The following ELMOD3 variants were observed in gnomAD, a reference collection of about 807,000 sequenced individuals.
ELMOD3 encodes ELMO domain-containing protein 3.
ELMOD3 carries 36 observed loss-of-function variants against 47.4 expected under a neutral mutation model. The ratio of observed to expected loss-of-function variants is 0.76; its 90% confidence interval spans 0.58 to 1.00. The LOEUF is 1.00. Ranked by LOEUF, ELMOD3 falls within the 50% of genes least tolerant of loss-of-function variation. The pLI is 0.00. For synonymous variants in ELMOD3, 149 were observed against 183.5 expected (o/e 0.81, Z 1.52); for missense variants, 404 against 463.8 (o/e 0.87, Z 1.18).
At chr2:85,361,773 CA>C (rs924013147) in intron 4 of ELMOD3, among the ~76,000 whole-genome samples, 3 of 151,494 alleles carry the variant, frequency 2.0e-5, no homozygotes, top group African/African-American at 7.3e-5. Flanking sequence ...ACTAAAAATA[CA>C]AAAAAAATTA....
In ELMOD3 at chr2:85,363,115, C is replaced by T. The variant is rs772120151; in HGVS notation, c.148C>T (p.His50Tyr). Residue 50 changes from histidine to tyrosine, a missense_variant, in exon 6 of 14, where the codon CAT (histidine) becomes TAT (tyrosine). Physicochemically the swap from His to Tyr is moderately conservative, Grantham distance 83. Coordinates refer to ENST00000409013, the MANE Select transcript of ELMOD3 (RefSeq NM_001135022.2). ...TCTACAGATCTCAGAGTTGAAGAAC[C>T]ATGGCATTCTCCAGGCTCTGACCAC... is the stretch of plus-strand genomic sequence containing the variant. ...RGIPISELKN[H>Y]GILQALTTEA... 1.2e-6 allele frequency: 2 copies of T among 1,611,422 alleles called. No homozygotes were observed. The highest frequency in any genetic ancestry group is 2.7e-5 in the African/African-American group (2 of 74,850).
In ELMOD3 at chr2:85,390,240, C is replaced by T; in HGVS notation, c.918C>T (p.Ile306=). 6.2e-7 allele frequency: 1 copy of T among 1,614,236 alleles called. No homozygotes were observed. Among genetic ancestry groups the T allele is most frequent in the Non-Finnish European group, 8.5e-7 (1 of 1,180,050 alleles). The change falls in exon 13 of 14, where the codon ATC becomes ATT. Residue 306 remains isoleucine, a synonymous_variant. Coordinates refer to ENST00000409013, the MANE Select transcript of ELMOD3 (RefSeq NM_001135022.2). ...TCTGGAGGACACAGCGGAAGACCAT[C>T]TCAGACTCGGGCTTTGTCCTCAAAG... ...AHVWRTQRKT[I]SDSGFVLKEL...
intron 7 of ELMOD3, among the ~76,000 whole-genome samples, chr2:85,369,528 C>A (rs571254472): frequency 6.6e-6 from 1 of 152,194 alleles, no homozygotes; most frequent in Non-Finnish European, 1.5e-5. Flanking sequence ...CAGAGGCTGA[C>A]CTAGCAAGAC....
In ELMOD3 at chr2:85,357,308, G is replaced by A. The variant is rs1197135493; in HGVS notation, c.54+56G>A. On this transcript the variant is annotated intron_variant, in intron 4 of 13. Transcript: ENST00000409013. ...GTGTTGGTTTGAGATATATCATTAA[G>A]TATAGTAAGAATATATTAAGAGAAT... is the stretch of plus-strand genomic sequence containing the variant. The A allele has an allele frequency of 4.4e-6, 5 of 1,134,136 alleles. No homozygotes were observed. The Admixed American group carries it at 1.0e-4, about 24-fold the overall frequency. The allele number at this position is 1,134,136 out of a possible 1,614,324, so 70.3% of individuals were successfully genotyped here. A position where few individuals can be genotyped will look rare whatever the true frequency, so the allele number is the denominator to read the frequency against.
intron 4 of ELMOD3, among the ~76,000 whole-genome samples, chr2:85,360,051 G>A (rs548271068): frequency 4.9e-4 from 75 of 152,084 alleles, no homozygotes; most frequent in African/African-American, 1.6e-3. Flanking sequence ...GCAACAGCGC[G>A]AGACTCTATC....
intron 11 of ELMOD3, chr2:85,387,236 TAAC>T (rs954740652): frequency 2.6e-6 from 3 of 1,157,666 alleles, no homozygotes; most frequent in Non-Finnish European, 3.3e-6. Flanking sequence ...GCAAGTATAA[TAAC>T]GACGAACATT....
intron 10 of ELMOD3, chr2:85,371,998 G>A (rs62162718): frequency 0.16 from 25,741 of 159,918 alleles, 2,678 homozygotes; most frequent in Non-Finnish European, 0.23. Flanking sequence ...GTGTAAGCCC[G>A]TCTCTACTAA....
At chr2:85,387,666 C>CAAAAA (rs33992978) in intron 11 of ELMOD3, among the ~76,000 whole-genome samples, 1 of 94,110 alleles carries the variant, frequency 1.1e-5, no homozygotes. Context: ...GACTCCATCT[C>CAAAAA]AAAAAAAAAA....
At chr2:85,375,419 A>G (rs952137222) in intron 10 of ELMOD3, among the ~76,000 whole-genome samples, 8 of 151,978 alleles carry the variant, frequency 5.3e-5, no homozygotes, top group Admixed American at 4.6e-4. Context: ...ATGTTATTCT[A>G]TTATTACTGT....
chr2:85,368,820 T>A, intron 7 of ELMOD3, 66 bp downstream of exon 7: 5 of 1,540,894 alleles, frequency 3.2e-6, no homozygotes, highest in Non-Finnish European at 4.5e-6. Flanking sequence ...TCCACACATG[T>A]GGCAAATGTT....
intron 11 of ELMOD3, among the ~76,000 whole-genome samples, chr2:85,389,212 G>A (rs966239105): frequency 5.3e-5 from 8 of 152,238 alleles, no homozygotes; most frequent in Non-Finnish European, 1.0e-4. Context: ...CTGTGTTATC[G>A]TGAGATGGGG....
intron 4 of ELMOD3, among the ~76,000 whole-genome samples, chr2:85,358,462 G>C (rs545608205): frequency 2.0e-5 from 3 of 152,096 alleles, no homozygotes; most frequent in Admixed American, 2.0e-4. Context: ...TCAGAGAAGA[G>C]AGTGGAGGTG....
intron 10 of ELMOD3, among the ~76,000 whole-genome samples, chr2:85,375,868 C>T (rs994135257): frequency 5.3e-5 from 8 of 152,234 alleles, no homozygotes; most frequent in African/African-American, 1.9e-4. Context: ...CTCCATTCTT[C>T]CATCTTCAAA....
chr2:85,375,023 C>T (rs1685073033), intron 10 of ELMOD3, among the ~76,000 whole-genome samples: 1 of 151,638 alleles, frequency 6.6e-6, no homozygotes, highest in South Asian at 2.1e-4. Flanking sequence ...GCAGAGGTTG[C>T]AGTGAGCCAA....
chr2:85,389,716 G>C, intron 11 of ELMOD3, 35 bp from the exon 12 acceptor site: 1 of 1,591,918 alleles, frequency 6.3e-7, no homozygotes, highest in Non-Finnish European at 8.6e-7. Flanking sequence ...AGTGAGAGCT[G>C]GAGTTGCTGC....
chr2:85,374,234 C>G (rs1014647065), intron 10 of ELMOD3, among the ~76,000 whole-genome samples: 23 of 152,170 alleles, frequency 1.5e-4, no homozygotes, highest in Non-Finnish European at 4.4e-5. Context: ...GGCATGGTGG[C>G]TCACACCTGT....
intron 3 of ELMOD3, chr2:85,355,827 C>T (rs1558687786): frequency 6.6e-6 from 1 of 152,244 alleles, no homozygotes; most frequent in Non-Finnish European, 1.5e-5. Flanking sequence ...CCTGGGGTGC[C>T]AGGACTAAGG....
intron 11 of ELMOD3, among the ~76,000 whole-genome samples, chr2:85,378,121 T>A (rs1685302054): frequency 6.6e-6 from 1 of 152,244 alleles, no homozygotes; most frequent in African/African-American, 2.4e-5. Flanking sequence ...GGCTAAATTG[T>A]GGGAGCTAAG....
chr2:85,354,792 G>A lies in ELMOD3; in HGVS notation c.-409G>A, dbSNP rs1441927174. ...GCATGAGCAGATGAGGCCTAGCCGAGGCGGCGGGACCCCCAAGTTTGGAAA... is the reference window on the plus strand; with the variant it reads ...GCATGAGCAGATGAGGCCTAGCCGAAGCGGCGGGACCCCCAAGTTTGGAAA... On this transcript the variant is annotated 5_prime_UTR_variant, in exon 1 of 14. Coordinates refer to ENST00000409013, the MANE Select transcript of ELMOD3 (RefSeq NM_001135022.2). 6.1e-6 allele frequency: 2 copies of A among 326,322 alleles called. No individual in the cohort carries two copies. Among genetic ancestry groups the A allele is most frequent in the Non-Finnish European group, 1.1e-5 (2 of 176,704 alleles). 20.2% of individuals were successfully genotyped at this position (326,322 alleles called of 1,614,324 possible).
Sources: gnomAD v4.1 joint callset for allele counts (sites outside exome capture counted in the v4.1 genomes callset) on GRCh38, gnomAD v4.1.1 for gene constraint, MANE v1.5 for transcripts, NCBI Gene and HGNC (gene_info 2026-07-23, HGNC 2026-07-21) for gene names.